The following TH variants were observed in gnomAD, a reference collection of about 807,000 sequenced individuals.
TH encodes the protein tyrosine 3-monooxygenase.
TH carries 49 observed loss-of-function variants against 57.4 expected under a neutral mutation model. That is an observed-to-expected ratio of 0.85 (90% CI 0.68 to 1.08). The LOEUF (loss-of-function observed/expected upper bound fraction) is 1.08, where lower values mean the gene tolerates loss of function less well. Ranked by LOEUF, TH falls within the 50% of genes least tolerant of loss-of-function variation. The probability of loss-of-function intolerance (pLI) is 0.00; values close to 1 mark genes in which losing one functional copy is unlikely to be tolerated. For synonymous variants in TH, 330 were observed against 304.5 expected (o/e 1.08, Z -0.87); for missense variants, 720 against 696.7 (o/e 1.03, Z -0.38).
In TH at chr11:2,165,771, G is replaced by C; in HGVS notation, c.1105-8C>G. The C allele has an allele frequency of 6.2e-7, 1 of 1,610,948 alleles. No homozygotes were observed. The highest frequency in any genetic ancestry group is 8.5e-7 in the Non-Finnish European group (1 of 1,179,260). On this transcript the variant is annotated splice_polypyrimidine_tract_variant and splice_region_variant and intron_variant, in intron 10 of 12. Transcript: ENST00000352909. ...CACCGTGAACCAGTACAGCTGCGGGGAAGCCGGGCAGCATCAGCCCAGAGA... is the reference window on the plus strand; with the variant it reads ...CACCGTGAACCAGTACAGCTGCGGGCAAGCCGGGCAGCATCAGCCCAGAGA...
In TH at chr11:2,167,940, G is replaced by A. The variant is rs2133695862; in HGVS notation, c.577-7C>T. 1 of 1,611,632 alleles carries A rather than the reference G, an allele frequency of 6.2e-7. No individual in the cohort carries two copies. The highest frequency in any genetic ancestry group is 8.5e-7 in the Non-Finnish European group (1 of 1,179,454). On this transcript the variant is annotated splice_polypyrimidine_tract_variant and splice_region_variant and intron_variant, in intron 4 of 12. Coordinates refer to ENST00000352909, the MANE Select transcript of TH (RefSeq NM_000360.4). Reference sequence around the variant, plus strand: ...ACACCTGGTCCGAGAAGCCCTGAGGGCAGAGGGGATGCACGGGTCAGGAGG... The same window carrying A: ...ACACCTGGTCCGAGAAGCCCTGAGGACAGAGGGGATGCACGGGTCAGGAGG...
rs1184910688 is a variant in TH at position 2,165,766 on chromosome 11, G to T, written c.1105-3C>A. Reference sequence around the variant, plus strand: ...AACTCCACCGTGAACCAGTACAGCTGCGGGGAAGCCGGGCAGCATCAGCCC... The same window carrying T: ...AACTCCACCGTGAACCAGTACAGCTTCGGGGAAGCCGGGCAGCATCAGCCC... On this transcript the variant is annotated splice_polypyrimidine_tract_variant and splice_region_variant and intron_variant, in intron 10 of 12. Coordinates refer to ENST00000352909, the MANE Select transcript of TH (RefSeq NM_000360.4). 6.2e-7 allele frequency: 1 copy of T among 1,611,798 alleles called. No individual in the cohort carries two copies. The highest frequency in any genetic ancestry group is 8.5e-7 in the Non-Finnish European group (1 of 1,179,658).
chr11:2,165,800 C>T, intron 10 of TH, 37 bp from the exon 11 acceptor site: 1 of 1,598,360 alleles, frequency 6.3e-7, no homozygotes, highest in South Asian at 1.1e-5. Flanking sequence ...CCAGAGACAG[C>T]TGCCGCCCAC....
Position 2,169,951 on chromosome 11 carries a change from G to A in TH, c.91-80C>T, listed in dbSNP as rs982694025. ...CCACCCACAGCTGGTCCCACAGTCG[G>A]GCAGCGCTGATGGCACACAGAGGCA... On this transcript the variant is annotated intron_variant, in intron 1 of 12. Coordinates refer to ENST00000352909, the MANE Select transcript of TH (RefSeq NM_000360.4). 9 of 1,404,980 alleles carry A rather than the reference G, an allele frequency of 6.4e-6. No individual in the cohort carries two copies. In the Middle Eastern group the frequency reaches 7.3e-4, roughly 115 times the overall value. 87.0% of individuals were successfully genotyped at this position (1,404,980 alleles called of 1,614,324 possible). A position where few individuals can be genotyped will look rare whatever the true frequency, so the allele number is the denominator to read the frequency against.
chr11:2,166,503 G>A lies in TH; in HGVS notation c.1024C>T (p.Arg342Cys), dbSNP rs555810288. 2.9e-5 allele frequency: 46 copies of A among 1,596,816 alleles called. No homozygotes were observed. In the South Asian group the frequency reaches 4.1e-4, roughly 14 times the overall value. Residue 342 changes from arginine to cysteine, a missense_variant, in exon 9 of 13, where the codon CGC becomes TGC. Coordinates refer to ENST00000352909, the MANE Select transcript of TH (RefSeq NM_000360.4). ...LLGHVPMLAD[R>C]TFAQFSQDIG... ...ACCTGCGAGAACTGCGCGAAGGTGCGGTCGGCCAGCATGGGCACGTGCCCC... is the reference window on the plus strand; with the variant it reads ...ACCTGCGAGAACTGCGCGAAGGTGCAGTCGGCCAGCATGGGCACGTGCCCC...
rs746828613 is a variant in TH, at chr11:2,171,637, C to T, written c.90+60G>A. ...CCAGGCTGGGGAGTAGCAGAGGCAG[C>T]TGGCACCAGCCCTGGGCTCCGGTCC... is the stretch of plus-strand genomic sequence containing the variant. On this transcript the variant is annotated intron_variant, in intron 1 of 12. Transcript: ENST00000352909. This position sits in a 1 kb window ranked among gnomAD's most constrained non-coding sequence, Gnocchi z 8.6. The T allele has an allele frequency of 2.5e-6, 4 of 1,574,224 alleles. No homozygotes were observed. The African/African-American group carries it at 4.0e-5, about 16-fold the overall frequency.
chr11:2,166,881 G>C lies in TH; in HGVS notation c.841+6C>G, dbSNP rs758712987. On this transcript the variant is annotated splice_donor_region_variant and intron_variant, in intron 7 of 12. Transcript: ENST00000352909. ...CCGGCTCTGCGCCCCTCCCGTCTGG[G>C]CACACCCTTCAGGAAGCGGGAGACG... The C allele has an allele frequency of 6.2e-7, 1 of 1,604,696 alleles. No individual in the cohort carries two copies. Among genetic ancestry groups the C allele is most frequent in the Admixed American group, 1.7e-5 (1 of 58,994 alleles).
chr11:2,166,409 C>T (rs1489031953), intron 9 of TH, 71 bp downstream of exon 9: 3 of 1,511,618 alleles, frequency 2.0e-6, no homozygotes, highest in Non-Finnish European at 2.7e-6. Context: ...ACCCGCACAT[C>T]GATCCCCGCC....
intron 2 of TH, 59 bp from the exon 3 acceptor site, chr11:2,168,724 A>AGGGT: frequency 1.0e-5 from 1 of 98,044 alleles, no homozygotes; most frequent in Admixed American, 1.8e-4. Context: ...ATGGAGAGAG[A>AGGGT]GGGTGGGGTG....
chr11:2,170,846 C>G lies in TH; in HGVS notation c.90+851G>C. ...GCGGGGGAGGACGGGGGAGGGCGCC[C>G]TGTGTCCCTGAGAAGGTACCTGGAA... On this transcript the variant is annotated intron_variant, in intron 1 of 12. Transcript: ENST00000352909. The surrounding 1 kb of genome is among the most constrained non-coding windows in gnomAD (Gnocchi z 6.0). 2 of 647,306 alleles carry G rather than the reference C, an allele frequency of 3.1e-6. No individual in the cohort carries two copies. The highest frequency in any genetic ancestry group is 5.4e-6 in the Non-Finnish European group (2 of 371,990). The allele number at this position is 647,306 out of a possible 1,614,324, so 40.1% of individuals were successfully genotyped here.
Position 2,166,192 on chromosome 11 carries a change from G to C in TH, c.1048-134C>G, listed in dbSNP as rs1031161103. The C allele has an allele frequency of 6.5e-6, 7 of 1,071,298 alleles. No individual in the cohort carries two copies. In the African/African-American group the frequency reaches 1.1e-4, roughly 17 times the overall value. The allele number at this position is 1,071,298 out of a possible 1,614,324, so 66.4% of individuals were successfully genotyped here. On this transcript the variant is annotated intron_variant, in intron 9 of 12. Transcript: ENST00000352909. ...CTGGCGGCAGAGACCTTCCCTGGCC[G>C]CCCAGGATCCGCACCTCCACCGGGC...
rs1222071123 is a variant in TH at position 2,170,377 on chromosome 11, G to A, written c.91-506C>T. On this transcript the variant is annotated intron_variant, in intron 1 of 12. Transcript: ENST00000352909. The surrounding 1 kb of genome is among the most constrained non-coding windows in gnomAD (Gnocchi z 6.0). ...CACTCCCATCAGGACACCTGTCCTC[G>A]GGCCCTGCCCCTCTGTGCCACCCCG... 3.3e-5 allele frequency among the ~76,000 whole-genome samples: 5 copies of A among 152,018 alleles called. No homozygotes were observed. Among genetic ancestry groups the A allele is most frequent in the South Asian group, 4.1e-4 (2 of 4,822 alleles).
intron 3 of TH, 108 bp downstream of exon 3, chr11:2,168,383 G>T: frequency 1.3e-6 from 2 of 1,498,084 alleles, no homozygotes. Flanking sequence ...CGCAGAGAGG[G>T]AACCAGGCCA....
At position 2,168,429 on chromosome 11, in the gene TH, G is replaced by T. The variant is rs1846160823; in HGVS notation, c.487+62C>A. On this transcript the variant is annotated intron_variant, in intron 3 of 12. Transcript: ENST00000352909. ...GTCACTGTAGGGTCCCCCTGCAGGA[G>T]CCCCTGCACCCCAGCCTCTCAAGGT... is the stretch of plus-strand genomic sequence containing the variant. 1.2e-5 allele frequency: 19 copies of T among 1,600,386 alleles called. No homozygotes were observed. In the South Asian group the frequency reaches 1.8e-4, roughly 15 times the overall value.
chr11:2,167,224 A>G, intron 6 of TH, 192 bp from the exon 7 acceptor site: 1 of 994,162 alleles, frequency 1.0e-6, no homozygotes, highest in Non-Finnish European at 1.5e-6. Context: ...GGGGGCCATG[A>G]GGGGCGGTCC....
chr11:2,165,616 G>A (rs941871345), intron 11 of TH, 52 bp downstream of exon 11: 24 of 1,583,436 alleles, frequency 1.5e-5, no homozygotes, highest in South Asian at 4.4e-5. Flanking sequence ...TCCCTGCACC[G>A]TCCCCCAGCC....
Position 2,165,844 on chromosome 11 carries a change from C to T in TH, c.1105-81G>A, listed in dbSNP as rs1846075547. ...CCCTGGTCACCCGTGACCAGGATAC[C>T]ACCCCCAGGGAGGCCAGGCCAGGAT... On this transcript the variant is annotated intron_variant, in intron 10 of 12. Coordinates refer to ENST00000352909, the MANE Select transcript of TH (RefSeq NM_000360.4). 4 of 1,536,862 alleles carry T rather than the reference C, an allele frequency of 2.6e-6. No homozygotes were observed. In the South Asian group the frequency reaches 3.5e-5, roughly 13 times the overall value.
In TH at chr11:2,167,479, G is replaced by T. The variant is rs1846131828; in HGVS notation, c.651C>A (p.Asp217Glu). Residue 217 changes from aspartate to glutamate, a missense_variant, in exon 6 of 13, where the codon GAC becomes GAA. By Grantham distance (45) the Asp-to-Glu change is conservative. Coordinates refer to ENST00000352909, the MANE Select transcript of TH (RefSeq NM_000360.4). ...CGGTGTACTCCACACGGGGAATCGGGTCGCCGCTGGGGAGGGGGCCAGTGG... is the reference window on the plus strand; with the variant it reads ...CGGTGTACTCCACACGGGGAATCGGTTCGCCGCTGGGGAGGGGGCCAGTGG... The part of the protein sequence containing the change: ...AEIAFQYRHG[D>E]PIPRVEYTAE... 1.3e-6 allele frequency: 2 copies of T among 1,560,520 alleles called. No individual in the cohort carries two copies. Among genetic ancestry groups the T allele is most frequent in the East Asian group, 4.7e-5 (2 of 42,214 alleles).
In TH at chr11:2,169,670, G is replaced by C; in HGVS notation, c.292C>G (p.Arg98Gly). Residue 98 changes from arginine to glycine, a missense_variant, in exon 2 of 13, where the codon CGA (arginine) becomes GGA (glycine). By Grantham distance (125) the Arg-to-Gly change is moderately radical. Coordinates refer to ENST00000352909, the MANE Select transcript of TH (RefSeq NM_000360.4). ...PRATKPSALSRAVKVFETFEA... is the reference protein window; with the variant it reads ...PRATKPSALSGAVKVFETFEA... ...CTCACCTCAAACACCTTCACAGCTCGGGACAGCGCCGAGGGCTTGGTGGCC... is the reference window on the plus strand; with the variant it reads ...CTCACCTCAAACACCTTCACAGCTCCGGACAGCGCCGAGGGCTTGGTGGCC... 1.2e-6 allele frequency: 2 copies of C among 1,613,484 alleles called. No individual in the cohort carries two copies. Among genetic ancestry groups the C allele is most frequent in the Non-Finnish European group, 1.7e-6 (2 of 1,179,954 alleles).
Sources: allele counts gnomAD v4.1 joint callset (sites outside exome capture counted in the v4.1 genomes callset), GRCh38; gene constraint gnomAD v4.1.1; non-coding constraint Gnocchi (gnomAD v3.1); transcripts MANE v1.5; gene names NCBI Gene and HGNC (gene_info 2026-07-23, HGNC 2026-07-21).